LIPM: variants seen among roughly 807,000 people sequenced by gnomAD.
LIPM encodes lipase member M.
Under a neutral mutation model 42.4 loss-of-function variants are expected in LIPM, and 42 were observed. That is an observed-to-expected ratio of 0.99 (90% CI 0.77 to 1.28). The LOEUF is 1.28. LIPM is among the 50% of genes most tolerant of loss of function. The probability of loss-of-function intolerance (pLI) is 0.00; values close to 1 mark genes in which losing one functional copy is unlikely to be tolerated. For synonymous variants in LIPM, 177 were observed against 173.3 expected, an observed-to-expected ratio of 1.02 and a Z score of -0.17; for missense variants, 524 against 520.1, an observed-to-expected ratio of 1.01 and a Z score of -0.07.
intron 3 of LIPM, among the ~76,000 whole-genome samples, chr10:88,814,061 A>G (rs1843686859): frequency 6.6e-6 from 1 of 152,162 alleles, no homozygotes; most frequent in South Asian, 2.1e-4. Context: ...CCTAGGGACC[A>G]TCGATTTGAC....
intron 2 of LIPM, among the ~76,000 whole-genome samples, chr10:88,810,198 A>G (rs954824837): frequency 1.3e-5 from 2 of 152,212 alleles, no homozygotes; most frequent in African/African-American, 4.8e-5. Context: ...TATTTGCGGG[A>G]TGAATTATAG....
intron 2 of LIPM, 80 bp from the exon 3 acceptor site, chr10:88,813,017 A>C (rs957893935): frequency 8.2e-6 from 10 of 1,221,334 alleles, no homozygotes; most frequent in African/African-American, 1.5e-5. Context: ...GGTTTGTTTG[A>C]TTTGAAAGCT....
rs1307901964 is a variant in LIPM, at chr10:88,820,452, A to T, written c.1223A>T (p.Gln408Leu). Residue 408 changes from glutamine to leucine, a missense_variant, in exon 9 of 9, where the codon CAG becomes CTG. By Grantham distance (113) the Gln-to-Leu change is moderately radical (BLOSUM62 -2). Coordinates refer to ENST00000404743, the MANE Select transcript of LIPM (RefSeq NM_001128215.1). ...TACAATGAAATCATCCATCTGATGC[A>T]GCAGGAGGAGACCAACCTTTCCCAG... The part of the protein sequence containing the change: ...RMYNEIIHLM[Q>L]QEETNLSQGR... The T allele has an allele frequency of 3.2e-6, 5 of 1,551,808 alleles. No individual in the cohort carries two copies. The highest frequency in any genetic ancestry group is 4.4e-6 in the Non-Finnish European group (5 of 1,147,058).
At chr10:88,817,528 T>C (rs953375369) in intron 7 of LIPM, among the ~76,000 whole-genome samples, 2 of 152,228 alleles carry the variant, frequency 1.3e-5, no homozygotes, top group African/African-American at 4.8e-5. Flanking sequence ...CGATTCCCCA[T>C]TGTAGCCCAC....
intron 2 of LIPM, among the ~76,000 whole-genome samples, chr10:88,808,931 A>ATTTT (rs2133053189): frequency 7.6e-6 from 1 of 130,810 alleles, no homozygotes; most frequent in South Asian, 2.3e-4. Context: ...ATTTTATTTT[A>ATTTT]TTTTATTTTA....
intron 1 of LIPM, among the ~76,000 whole-genome samples, chr10:88,806,508 G>C (rs966852903): frequency 6.6e-6 from 1 of 152,138 alleles, no homozygotes; most frequent in African/African-American, 2.4e-5. Context: ...GTTGACAACA[G>C]TGGTTCCTGA....
chr10:88,814,972 G>A lies in LIPM; in HGVS notation c.575-116G>A, dbSNP rs78132020. Reference sequence around the variant, plus strand: ...ATAAGGACCTTATAATTTTATAGGAGAGGTAAGATGCAGTCACATATATAC... The same window carrying A: ...ATAAGGACCTTATAATTTTATAGGAAAGGTAAGATGCAGTCACATATATAC... On this transcript the variant is annotated intron_variant, in intron 4 of 8. Coordinates refer to ENST00000404743, the MANE Select transcript of LIPM (RefSeq NM_001128215.1). 5.1e-3 allele frequency: 4,703 copies of A among 918,786 alleles called. 205 individuals carry two copies. The East Asian group carries it at 0.093, about 18-fold the overall frequency. 56.9% of individuals were successfully genotyped at this position (918,786 alleles called of 1,614,324 possible).
intron 2 of LIPM, among the ~76,000 whole-genome samples, chr10:88,811,458 G>A (rs1195190590): frequency 6.6e-6 from 1 of 151,972 alleles, no homozygotes; most frequent in East Asian, 1.9e-4. Context: ...TCCTGTTGAG[G>A]GCATGACATA....
intron 6 of LIPM, among the ~76,000 whole-genome samples, chr10:88,816,299 C>T (rs1021592672): frequency 6.6e-6 from 1 of 152,150 alleles, no homozygotes; most frequent in African/African-American, 2.4e-5. Context: ...GCTGGGGCAA[C>T]ATTTCCTTAA....
intron 1 of LIPM, chr10:88,805,830 A>T: frequency 2.7e-6 from 1 of 371,774 alleles, no homozygotes; most frequent in South Asian, 2.0e-5. Flanking sequence ...GAGAATCATC[A>T]TCATCGCCTG....
intron 7 of LIPM, 59 bp from the exon 8 acceptor site, chr10:88,817,766 C>T: frequency 1.7e-6 from 2 of 1,195,400 alleles, no homozygotes; most frequent in Non-Finnish European, 2.4e-6. Context: ...TTTCCACCAC[C>T]CCACCACGCT....
chr10:88,811,399 A>G (rs1000465223), intron 2 of LIPM, among the ~76,000 whole-genome samples: 8 of 152,318 alleles, frequency 5.3e-5, no homozygotes, highest in Admixed American at 1.3e-4. Context: ...TTCTGAGCCA[A>G]TACTGAGGTG....
chr10:88,816,571 T>A (rs1202839435), intron 6 of LIPM, among the ~76,000 whole-genome samples: 1 of 146,692 alleles, frequency 6.8e-6, no homozygotes, highest in Non-Finnish European at 1.5e-5. Flanking sequence ...ACTAGTAAAA[T>A]TTTTTTTAAT....
intron 1 of LIPM, among the ~76,000 whole-genome samples, chr10:88,804,908 T>C (rs1843567524): frequency 6.6e-6 from 1 of 152,220 alleles, no homozygotes; most frequent in African/African-American, 2.4e-5. Context: ...AGTAAAAGAT[T>C]ACTGTCTAGT....
In LIPM at chr10:88,815,545, G is replaced by A. The variant is rs1029179229; in HGVS notation, c.858+42G>A. ...TAAATTCCCAGCATCCCAGCATAAA[G>A]CTGGGAGTCATATGGCTCACCCCTG... On this transcript the variant is annotated intron_variant, in intron 6 of 8. Transcript: ENST00000404743. 1.9e-5 allele frequency: 30 copies of A among 1,540,342 alleles called. No homozygotes were observed. The Admixed American group carries it at 5.8e-4, about 30-fold the overall frequency.
intron 4 of LIPM, 56 bp from the exon 5 acceptor site, chr10:88,815,032 T>C: frequency 6.8e-7 from 1 of 1,467,890 alleles, no homozygotes; most frequent in Non-Finnish European, 9.1e-7. Flanking sequence ...AAAATATACA[T>C]TTTATGAGTT....
At chr10:88,809,171 T>C (rs2133053419) in intron 2 of LIPM, among the ~76,000 whole-genome samples, 1 of 152,116 alleles carries the variant, frequency 6.6e-6, no homozygotes, top group African/African-American at 2.4e-5. Flanking sequence ...GTCAGGCTGG[T>C]CTTGAACTCC....
chr10:88,813,975 C>CATGGGGATTACAGGGATT (rs1843685925), intron 3 of LIPM, among the ~76,000 whole-genome samples: 1 of 152,206 alleles, frequency 6.6e-6, no homozygotes, highest in Admixed American at 6.5e-5. Flanking sequence ...TCCCTTGACA[C>CATGGGGATTACAGGGATT]ATGGGGATTA....
In LIPM at chr10:88,813,235, A is replaced by G. The variant is rs1350014149; in HGVS notation, c.404A>G (p.Asn135Ser). The G allele has an allele frequency of 6.2e-7, 1 of 1,613,458 alleles. No homozygotes were observed. The highest frequency in any genetic ancestry group is 8.5e-7 in the Non-Finnish European group (1 of 1,179,648). The part of the protein sequence containing the change: ...FDVWMGNSRG[N>S]AWSRKHKTLS... ...GTGTGGATGGGGAACAGCAGGGGAA[A>G]CGCCTGGTCTCGAAAACACAAGACA... Residue 135 changes from asparagine to serine, a missense_variant, in exon 3 of 9, where the codon AAC becomes AGC. Transcript: ENST00000404743.
Sources: allele counts gnomAD v4.1 joint callset (sites outside exome capture counted in the v4.1 genomes callset), GRCh38; gene constraint gnomAD v4.1.1; transcripts MANE v1.5; gene names NCBI Gene and HGNC (gene_info 2026-07-23, HGNC 2026-07-21).